The following POF1B variants were observed in gnomAD, a reference collection of about 807,000 sequenced individuals.
POF1B encodes the protein protein POF1B.
POF1B carries 53 observed loss-of-function variants against 55.3 expected under a neutral mutation model. That is an observed-to-expected ratio of 0.96 (90% confidence interval 0.77 to 1.20). POF1B has a LOEUF of 1.20. POF1B is among the 50% of genes most tolerant of loss of function. POF1B has a pLI of 0.00. For synonymous variants in POF1B, 188 were observed against 148.3 expected (o/e 1.27, Z -1.95); for missense variants, 478 against 420.5 (o/e 1.14, Z -1.20).
chrX:85,300,499 T>C (rs945686247), intron 15 of POF1B, among the ~76,000 whole-genome samples: 9 of 112,223 alleles, frequency 8.0e-5, no homozygotes, highest in Non-Finnish European at 1.3e-4. Flanking sequence ...ACAGACTTTA[T>C]AGAATTAAAT....
rs942980592 is a variant in POF1B, at chrX:85,354,373, G to A, written c.439-2922C>T. Among the ~76,000 whole-genome samples the A allele has an allele frequency of 9.0e-5, 10 of 110,897 alleles. No homozygotes were observed. In the East Asian group the frequency reaches 2.9e-3, roughly 32 times the overall value. ...ACGATCTTGAGTACCACATAGTGAA[G>A]GAACTGATGATTGAGTGAGAAGGAA... On this transcript the variant is annotated intron_variant, in intron 4 of 16. Transcript: ENST00000262753.
chrX:85,346,488 A>G (rs1040984719), intron 5 of POF1B, among the ~76,000 whole-genome samples: 1 of 110,390 alleles, frequency 9.1e-6, no homozygotes, highest in African/African-American at 3.3e-5. Context: ...TTAGAATCAC[A>G]GTGGGTGAGG....
chrX:85,309,269 A>G (rs1932644343), intron 9 of POF1B, among the ~76,000 whole-genome samples: 1 of 108,739 alleles, frequency 9.2e-6, no homozygotes, highest in Admixed American at 9.8e-5. Flanking sequence ...AAAATTATAT[A>G]ACTGTGCACT....
intron 4 of POF1B, among the ~76,000 whole-genome samples, chrX:85,354,323 A>G (rs1933443555): frequency 9.0e-6 from 1 of 111,167 alleles, no homozygotes; most frequent in Non-Finnish European, 1.9e-5. Flanking sequence ...ACACACAAGT[A>G]GGCTTACTGA....
chrX:85,335,551 T>C (rs904512827), intron 6 of POF1B, among the ~76,000 whole-genome samples: 26 of 111,401 alleles, frequency 2.3e-4, no homozygotes, highest in Non-Finnish European at 4.7e-4. Flanking sequence ...CCTTATTTTA[T>C]ACCAGGAGTA....
chrX:85,339,137 G>A (rs1933126289), intron 6 of POF1B, among the ~76,000 whole-genome samples: 1 of 111,107 alleles, frequency 9.0e-6, no homozygotes, highest in African/African-American at 3.3e-5. Flanking sequence ...GGCTTGGGAG[G>A]CCTCACAATC....
intron 13 of POF1B, among the ~76,000 whole-genome samples, chrX:85,304,702 T>C (rs1932533186): frequency 9.0e-6 from 1 of 110,826 alleles, no homozygotes; most frequent in African/African-American, 3.3e-5. Context: ...AAACATTATC[T>C]ACGTAACAGT....
At chrX:85,368,026 G>T (rs1319947602) in intron 2 of POF1B, among the ~76,000 whole-genome samples, 1 of 111,638 alleles carries the variant, frequency 9.0e-6, no homozygotes, top group Non-Finnish European at 1.9e-5. Flanking sequence ...TTTTGTTTCT[G>T]CTTCAAGAAC....
intron 3 of POF1B, among the ~76,000 whole-genome samples, chrX:85,361,692 C>T (rs1189902202): frequency 9.0e-6 from 1 of 111,321 alleles, no homozygotes; most frequent in East Asian, 2.8e-4. Flanking sequence ...GCTATTTGGC[C>T]TCTTTTTCTT....
intron 3 of POF1B, among the ~76,000 whole-genome samples, chrX:85,360,527 G>GTGTATATATATATATATATATA (rs1555988251): frequency 5.1e-5 from 3 of 58,524 alleles, no homozygotes; most frequent in Admixed American, 1.9e-4. Flanking sequence ...TCCATGGTAT[G>GTGTATATATATATATATATATA]TATATATATA....
intron 7 of POF1B, among the ~76,000 whole-genome samples, chrX:85,321,611 G>A (rs1415100518): frequency 9.3e-6 from 1 of 107,192 alleles, no homozygotes; most frequent in Non-Finnish European, 1.9e-5. Context: ...GGCAGGAGAA[G>A]GAAATAAAGG....
chrX:85,298,235 C>G (rs1298293143), intron 15 of POF1B, among the ~76,000 whole-genome samples: 1 of 112,192 alleles, frequency 8.9e-6, no homozygotes, highest in African/African-American at 3.2e-5. Flanking sequence ...GTCCAGAGAG[C>G]CTTGGGGGAA....
chrX:85,296,622 A>G, intron 15 of POF1B, among the ~76,000 whole-genome samples: 1 of 111,819 alleles, frequency 8.9e-6, no homozygotes. Flanking sequence ...AGCCTGATAG[A>G]GTTTCCTTTG....
chrX:85,316,928 A>G (rs780649535), intron 7 of POF1B, among the ~76,000 whole-genome samples: 9 of 110,457 alleles, frequency 8.1e-5, no homozygotes, highest in Admixed American at 3.9e-4. Flanking sequence ...CTTTGTGTCT[A>G]TATGTACTCA....
Position 85,279,237 on chromosome X carries a change from C to T in POF1B, c.*184G>A. ...TGAGTGTTATGGAAAAGATTTAGGT[C>T]TCATAAATGGGTGAAGAAATTGTCA... On this transcript the variant is annotated 3_prime_UTR_variant, in exon 17 of 17. Transcript: ENST00000262753. 4.7e-6 allele frequency: 2 copies of T among 423,860 alleles called. No homozygotes were observed. Among genetic ancestry groups the T allele is most frequent in the East Asian group, 3.7e-5 (1 of 26,949 alleles). 34.9% of individuals were successfully genotyped at this position (423,860 alleles called of 1,213,427 possible).
chrX:85,365,922 G>A (rs1275417769), intron 3 of POF1B, among the ~76,000 whole-genome samples: 2 of 110,937 alleles, frequency 1.8e-5, no homozygotes, highest in African/African-American at 3.3e-5. Flanking sequence ...TAAGTCGGGG[G>A]TTCCCTGCCT....
chrX:85,314,623 T>C (rs1932767546), intron 8 of POF1B, 117 bp from the exon 9 acceptor site: 1 of 408,863 alleles, frequency 2.4e-6, no homozygotes, highest in East Asian at 4.8e-5. Flanking sequence ...TAATTCACTT[T>C]TTGAGAAACA....
At chrX:85,357,111 A>T (rs964390048) in intron 4 of POF1B, among the ~76,000 whole-genome samples, 1 of 111,033 alleles carries the variant, frequency 9.0e-6, no homozygotes, top group Admixed American at 9.6e-5. Flanking sequence ...TACAGAGACA[A>T]CCAAGATAAT....
At chrX:85,313,232 G>A (rs765635962) in intron 9 of POF1B, among the ~76,000 whole-genome samples, 50 of 111,891 alleles carry the variant, frequency 4.5e-4, no homozygotes, top group Non-Finnish European at 6.6e-4. Flanking sequence ...AGTAGTGAGA[G>A]AGGGCATCCT....
Sources: gnomAD v4.1 joint callset for allele counts (sites outside exome capture counted in the v4.1 genomes callset) on GRCh38, gnomAD v4.1.1 for gene constraint, MANE v1.5 for transcripts, NCBI Gene and HGNC (gene_info 2026-07-23, HGNC 2026-07-21) for gene names.